The following SLC35F1 variants were observed in gnomAD, a reference collection of about 807,000 sequenced individuals.
SLC35F1 encodes chromosome 6 open reading frame 169.
In SLC35F1, 14 loss-of-function variants were observed where a neutral mutation model predicts 48.7. That is an observed-to-expected ratio of 0.29 (90% confidence interval 0.19 to 0.45). SLC35F1 has a LOEUF of 0.45. Ranked by LOEUF, SLC35F1 falls within the 20% of genes least tolerant of loss-of-function variation. The probability of loss-of-function intolerance (pLI) is 1.00; values close to 1 mark genes in which losing one functional copy is unlikely to be tolerated. For missense variants in SLC35F1, 404 were observed against 500.0 expected, an observed-to-expected ratio of 0.81 and a Z score of 1.83; for synonymous variants, 190 against 202.2, an observed-to-expected ratio of 0.94 and a Z score of 0.51.
intron 2 of SLC35F1, among the ~76,000 whole-genome samples, chr6:118,224,720 G>A (rs1207884716): frequency 2.6e-5 from 4 of 152,070 alleles, no homozygotes; most frequent in Non-Finnish European, 4.4e-5. Flanking sequence ...GCTCTCTGTT[G>A]GTGTATATAA....
chr6:118,293,752 A>G (rs1267592367), intron 7 of SLC35F1, among the ~76,000 whole-genome samples: 1 of 152,226 alleles, frequency 6.6e-6, no homozygotes, highest in Non-Finnish European at 1.5e-5. Flanking sequence ...GCTCTGTTGA[A>G]TTTCCTAACT....
At chr6:117,936,289 T>G (rs562155259) in intron 1 of SLC35F1, among the ~76,000 whole-genome samples, 56 of 152,330 alleles carry the variant, frequency 3.7e-4, no homozygotes, top group African/African-American at 1.3e-3. Flanking sequence ...CCTCACATGC[T>G]GTGTAGGTCC....
intron 1 of SLC35F1, among the ~76,000 whole-genome samples, chr6:118,030,317 A>T (rs1389379568): frequency 6.6e-6 from 1 of 152,110 alleles, no homozygotes; most frequent in East Asian, 1.9e-4. Context: ...TTGACTTGAG[A>T]TTGTATAGAG....
intron 3 of SLC35F1, among the ~76,000 whole-genome samples, chr6:118,241,583 G>GT (rs1268139869): frequency 2.1e-5 from 3 of 145,020 alleles, no homozygotes; most frequent in South Asian, 2.1e-4. Context: ...ACCTTCGTGT[G>GT]TGTGTGTGTG....
chr6:118,254,054 C>T lies in SLC35F1; in HGVS notation c.478-12941C>T, dbSNP rs916346988. Among the ~76,000 whole-genome samples the T allele has an allele frequency of 1.2e-4, 18 of 151,872 alleles. 1 individual carries two copies. Among genetic ancestry groups the T allele is most frequent in the African/African-American group, 3.9e-4 (16 of 41,390 alleles). On this transcript the variant is annotated intron_variant, in intron 3 of 7. Coordinates refer to ENST00000360388, the MANE Select transcript of SLC35F1 (RefSeq NM_001029858.4). ...AGAGACAGCAGATGGGGAGAGGGGA[C>T]GGCTCCAAAGAACAAAGGGCAGAAT...
chr6:118,205,109 C>T (rs1774918080), intron 2 of SLC35F1, among the ~76,000 whole-genome samples: 1 of 152,174 alleles, frequency 6.6e-6, no homozygotes, highest in African/African-American at 2.4e-5. Flanking sequence ...TGCAGCTCTG[C>T]CTGCCCTCCC....
At chr6:118,164,257 G>T (rs1774283107) in intron 2 of SLC35F1, among the ~76,000 whole-genome samples, 1 of 152,186 alleles carries the variant, frequency 6.6e-6, no homozygotes, top group East Asian at 1.9e-4. Flanking sequence ...TAGAATTTAT[G>T]TTTCTGGCCA....
chr6:118,054,907 G>T (rs1307184130), intron 1 of SLC35F1, among the ~76,000 whole-genome samples: 1 of 152,094 alleles, frequency 6.6e-6, no homozygotes, highest in African/African-American at 2.4e-5. Flanking sequence ...CTCCCGAGTA[G>T]CTAGGATTAC....
intron 1 of SLC35F1, among the ~76,000 whole-genome samples, chr6:117,971,877 G>A (rs571067039): frequency 2.0e-5 from 3 of 152,316 alleles, no homozygotes; most frequent in Admixed American, 1.3e-4. Context: ...CCAGGCCTGT[G>A]ATGGATGGAA....
intron 7 of SLC35F1, among the ~76,000 whole-genome samples, chr6:118,292,243 G>A (rs770311411): frequency 6.6e-6 from 1 of 152,206 alleles, no homozygotes; most frequent in Non-Finnish European, 1.5e-5. Flanking sequence ...TGTAGCCAGG[G>A]TTAGACCCCT....
chr6:118,005,133 G>A (rs955365365), intron 1 of SLC35F1, among the ~76,000 whole-genome samples: 4 of 152,176 alleles, frequency 2.6e-5, no homozygotes, highest in Admixed American at 1.3e-4. Flanking sequence ...AAGAAAGCAA[G>A]AAGAGGAGAA....
At chr6:118,034,894 T>A (rs1235999845) in intron 1 of SLC35F1, among the ~76,000 whole-genome samples, 7 of 152,234 alleles carry the variant, frequency 4.6e-5, no homozygotes, top group Non-Finnish European at 1.0e-4. Context: ...TGGGTTATAC[T>A]GGCCTTGTAA....
At chr6:117,945,624 A>T (rs989874237) in intron 1 of SLC35F1, among the ~76,000 whole-genome samples, 2 of 152,130 alleles carry the variant, frequency 1.3e-5, no homozygotes, top group African/African-American at 4.8e-5. Flanking sequence ...TCTTTTCCCG[A>T]TTCTCTAGTT....
At chr6:118,073,635 A>C (rs1772775545) in intron 1 of SLC35F1, among the ~76,000 whole-genome samples, 1 of 152,234 alleles carries the variant, frequency 6.6e-6, no homozygotes, top group African/African-American at 2.4e-5. Flanking sequence ...TATCTAACCC[A>C]AAATCAAAAT....
intron 3 of SLC35F1, among the ~76,000 whole-genome samples, chr6:118,261,427 A>C (rs73512524): frequency 6.6e-6 from 1 of 152,272 alleles, no homozygotes; most frequent in Admixed American, 6.5e-5. Flanking sequence ...ACAAATATGC[A>C]TATATACATA....
chr6:118,028,104 C>T (rs2114890335), intron 1 of SLC35F1, among the ~76,000 whole-genome samples: 1 of 152,212 alleles, frequency 6.6e-6, no homozygotes, highest in East Asian at 1.9e-4. Context: ...ACTTTATCTT[C>T]AAATGCAAAA....
intron 1 of SLC35F1, among the ~76,000 whole-genome samples, chr6:117,949,292 T>G (rs1173296500): frequency 2.0e-5 from 3 of 152,198 alleles, no homozygotes; most frequent in Non-Finnish European, 4.4e-5. Context: ...GCTGACAATG[T>G]TAGTTCATTA....
chr6:118,109,653 G>GAA lies in SLC35F1; in HGVS notation c.174-44783_174-44782dup, dbSNP rs71554890. 5.4e-5 allele frequency among the ~76,000 whole-genome samples: 8 copies of GAA among 147,190 alleles called. No homozygotes were observed. In the East Asian group the frequency reaches 1.2e-3, roughly 22 times the overall value. The stretch of plus-strand genomic sequence containing the variant: ...TTGGAGAATAAACAAACATTTGCTG[G>GAA]AAAAAAAAAAGCAACAGAAAAGGAA... On this transcript the variant is annotated intron_variant, in intron 1 of 7. Transcript: ENST00000360388.
chr6:118,124,276 A>G (rs1400480854), intron 1 of SLC35F1, among the ~76,000 whole-genome samples: 1 of 152,190 alleles, frequency 6.6e-6, no homozygotes, highest in Non-Finnish European at 1.5e-5. Flanking sequence ...CCTTTAGGTC[A>G]TGCAAACTCT....
Sources: allele counts gnomAD v4.1 joint callset (sites outside exome capture counted in the v4.1 genomes callset), GRCh38; gene constraint gnomAD v4.1.1; transcripts MANE v1.5; gene names NCBI Gene and HGNC (gene_info 2026-07-23, HGNC 2026-07-21).